The following RNF180 variants were observed in gnomAD, a reference collection of about 807,000 sequenced individuals.
The protein encoded by RNF180 is ring finger protein 180.
RNF180 carries 38 observed loss-of-function variants against 59.2 expected under a neutral mutation model. That is an observed-to-expected ratio of 0.64 (90% CI 0.50 to 0.84). The LOEUF is 0.84. RNF180 is among the 40% of genes least tolerant of loss of function. The pLI is 0.00. For synonymous variants in RNF180, 262 were observed against 240.3 expected (o/e 1.09, Z -0.84); for missense variants, 705 against 700.9 (o/e 1.01, Z -0.07).
chr5:64,238,480 C>T (rs1742587515), intron 5 of RNF180, among the ~76,000 whole-genome samples: 1 of 152,164 alleles, frequency 6.6e-6, no homozygotes, highest in African/African-American at 2.4e-5. Context: ...TCCCTTTTCT[C>T]CACACCCTCA....
At chr5:64,204,739 G>A (rs752923205) in intron 2 of RNF180, among the ~76,000 whole-genome samples, 2 of 152,188 alleles carry the variant, frequency 1.3e-5, no homozygotes, top group Non-Finnish European at 2.9e-5. Context: ...ATTGTGAGGG[G>A]AAATGTTTTT....
At chr5:64,301,366 AT>A (rs982418439) in intron 5 of RNF180, among the ~76,000 whole-genome samples, 3 of 151,806 alleles carry the variant, frequency 2.0e-5, no homozygotes, top group Non-Finnish European at 4.4e-5. Flanking sequence ...GTTTGGGTTT[AT>A]TTATGAGTCT....
intron 1 of RNF180, among the ~76,000 whole-genome samples, chr5:64,190,044 G>A (rs1159203171): frequency 6.6e-6 from 1 of 152,136 alleles, no homozygotes; most frequent in Non-Finnish European, 1.5e-5. Context: ...TTTGAGTATA[G>A]GGCCATCTCT....
At chr5:64,348,497 T>A (rs999235287) in intron 7 of RNF180, among the ~76,000 whole-genome samples, 33 of 152,074 alleles carry the variant, frequency 2.2e-4, no homozygotes, top group Admixed American at 6.6e-5. Context: ...TATAGGAGAT[T>A]TTTCAAGCTG....
intron 7 of RNF180, among the ~76,000 whole-genome samples, chr5:64,350,399 G>A (rs1318875954): frequency 6.6e-6 from 1 of 151,864 alleles, no homozygotes; most frequent in Non-Finnish European, 1.5e-5. Context: ...CTTTGCAGAA[G>A]CTCTTTAGTT....
chr5:64,171,329 A>G (rs1046867906), intron 1 of RNF180, among the ~76,000 whole-genome samples: 1 of 152,220 alleles, frequency 6.6e-6, no homozygotes, highest in African/African-American at 2.4e-5. Context: ...GTTACTTGAA[A>G]TGGCATTCAG....
chr5:64,317,732 A>G (rs1406842490), intron 5 of RNF180, among the ~76,000 whole-genome samples: 2 of 151,862 alleles, frequency 1.3e-5, no homozygotes, highest in African/African-American at 4.8e-5. Flanking sequence ...CAAACCCTAT[A>G]TATATATATG....
rs181716218 is a variant in RNF180 at position 64,308,032 on chromosome 5, T to C, written c.1228-17154T>C. On this transcript the variant is annotated intron_variant, in intron 5 of 7. Transcript: ENST00000389100. The stretch of plus-strand genomic sequence containing the variant: ...GAAATGATTAGAAAGCTTAATAGTA[T>C]GAATTTTAGAAGAGCTTAATAGTAT... 4.6e-5 allele frequency among the ~76,000 whole-genome samples: 7 copies of C among 151,872 alleles called. No individual in the cohort carries two copies. In the East Asian group the frequency reaches 1.4e-3, roughly 29 times the overall value.
At chr5:64,365,660 G>A (rs1309131633) in intron 7 of RNF180, among the ~76,000 whole-genome samples, 3 of 151,632 alleles carry the variant, frequency 2.0e-5, no homozygotes, top group African/African-American at 7.3e-5. Flanking sequence ...GAATCTGGGT[G>A]CTCTTGTGTT....
chr5:64,187,033 A>C (rs1276996799), intron 1 of RNF180, among the ~76,000 whole-genome samples: 1 of 152,198 alleles, frequency 6.6e-6, no homozygotes, highest in Admixed American at 6.5e-5. Context: ...GTAGCAATTA[A>C]AATGGACAAA....
chr5:64,234,584 T>G (rs111703992), intron 5 of RNF180, among the ~76,000 whole-genome samples: 22 of 31,242 alleles, frequency 7.0e-4, no homozygotes, highest in African/African-American at 4.9e-3. Flanking sequence ...CGTTCTTTTT[T>G]TTTTTTTTTT....
At chr5:64,341,728 C>T (rs1745363283) in intron 7 of RNF180, among the ~76,000 whole-genome samples, 1 of 152,050 alleles carries the variant, frequency 6.6e-6, no homozygotes, top group South Asian at 2.1e-4. Flanking sequence ...ATACTCACTC[C>T]TGGGACACAG....
rs577066067 is a variant in RNF180 at position 64,214,083 on chromosome 5, A to G, written c.757A>G (p.Thr253Ala). The change falls in exon 4 of 8, where the codon ACT (threonine) becomes GCT (alanine). Residue 253 changes from threonine (T) to alanine (A), a missense_variant. By Grantham distance (58) the Thr-to-Ala change is moderately conservative (BLOSUM62 0). Transcript: ENST00000389100. ...PTLYEIHSKT[T>A]AYSRLNETQP... Reference sequence around the variant, plus strand: ...TTTATATGAAATACATAGTAAGACTACTGCCTATTCCAGACTAAATGAAAC... The same window carrying G: ...TTTATATGAAATACATAGTAAGACTGCTGCCTATTCCAGACTAAATGAAAC... The G allele has an allele frequency of 6.2e-6, 10 of 1,613,982 alleles. 1 individual carries two copies. Among genetic ancestry groups the G allele is most frequent in the South Asian group, 3.3e-5 (3 of 91,078 alleles).
rs539444348 is a variant in RNF180, at chr5:64,185,768, C to T, written c.1-15040C>T. On this transcript the variant is annotated intron_variant, in intron 1 of 7. Coordinates refer to ENST00000389100, the MANE Select transcript of RNF180 (RefSeq NM_001113561.2). ...ACTTGAGCTACTGCTTATGCCCTAT[C>T]TCTGGGAGTTTACAAGTAGAGGAAG... Among the ~76,000 whole-genome samples, 6 of 152,320 alleles carry T rather than the reference C, an allele frequency of 3.9e-5. No individual in the cohort carries two copies. The South Asian group carries it at 1.2e-3, about 32-fold the overall frequency.
chr5:64,192,903 G>GTGTGTATA (rs1486448173), intron 1 of RNF180, among the ~76,000 whole-genome samples: 108 of 93,878 alleles, frequency 1.2e-3, no homozygotes, highest in African/African-American at 3.4e-3. Flanking sequence ...AGTGTGGCAT[G>GTGTGTATA]TATATATATA....
intron 5 of RNF180, among the ~76,000 whole-genome samples, chr5:64,284,917 T>A (rs368794834): frequency 7.2e-5 from 11 of 152,156 alleles, no homozygotes; most frequent in East Asian, 3.9e-4. Flanking sequence ...GTTGTGAGAG[T>A]TCTTGCACTG....
intron 5 of RNF180, among the ~76,000 whole-genome samples, chr5:64,257,800 A>AAC (rs544281245): frequency 2.0e-4 from 31 of 152,274 alleles, no homozygotes; most frequent in African/African-American, 7.5e-4. Flanking sequence ...GGGAGACTTT[A>AAC]ACACCCCACA....
At chr5:64,217,480 C>T (rs1378229441) in intron 5 of RNF180, 84 bp downstream of exon 5, 1 of 1,311,666 alleles carries the variant, frequency 7.6e-7, no homozygotes, top group Non-Finnish European at 9.7e-7. Flanking sequence ...GCAGCAAAGA[C>T]TTCCATTTTC....
intron 5 of RNF180, among the ~76,000 whole-genome samples, chr5:64,285,782 G>A (rs1269066473): frequency 6.6e-6 from 1 of 152,146 alleles, no homozygotes; most frequent in Non-Finnish European, 1.5e-5. Flanking sequence ...AAATGCTAAA[G>A]CCACCTTGAA....
Sources: gnomAD v4.1 joint callset for allele counts (sites outside exome capture counted in the v4.1 genomes callset) on GRCh38, gnomAD v4.1.1 for gene constraint, MANE v1.5 for transcripts, NCBI Gene and HGNC (gene_info 2026-07-23, HGNC 2026-07-21) for gene names.